Variants in TJP1 observed in about 807,000 individuals in gnomAD.
TJP1 encodes tight junction protein ZO-1.
A neutral mutation model predicts 194.2 loss-of-function variants in TJP1; 43 were observed. The ratio of observed to expected loss-of-function variants is 0.22; its 90% CI spans 0.17 to 0.29. The LOEUF (loss-of-function observed/expected upper bound fraction) is 0.29. Ranked by LOEUF, TJP1 falls within the 10% of genes least tolerant of loss-of-function variation. The pLI is 1.00. For synonymous variants in TJP1, 801 were observed against 779.0 expected (o/e 1.03, Z -0.47); for missense variants, 1,971 against 2,185.7 (o/e 0.90, Z 1.96).
At chr15:29,797,340 G>C (rs2048479651) in intron 2 of TJP1, among the ~76,000 whole-genome samples, 1 of 152,122 alleles carries the variant, frequency 6.6e-6, no homozygotes, top group Non-Finnish European at 1.5e-5. Context: ...AGTAGAGACA[G>C]GCTTTCACCA....
chr15:29,797,678 T>C (rs1284047952), intron 2 of TJP1, among the ~76,000 whole-genome samples: 1 of 141,186 alleles, frequency 7.1e-6, no homozygotes, highest in South Asian at 2.2e-4. Flanking sequence ...AGGAAAAAAA[T>C]ATTTGCAAAT....
At chr15:29,931,994 C>T (rs116569718) in intron 2 of TJP1, among the ~76,000 whole-genome samples, 1,991 of 152,248 alleles carry the variant, frequency 0.013, 40 homozygotes, top group African/African-American at 0.045. Flanking sequence ...TAGTGAGGAC[C>T]ACCAGAAGTC....
chr15:29,750,804 T>C (rs2045224391), intron 8 of TJP1, among the ~76,000 whole-genome samples: 1 of 152,220 alleles, frequency 6.6e-6, no homozygotes, highest in Non-Finnish European at 1.5e-5. Context: ...CACAAGTTCA[T>C]TAATTGCATA....
chr15:29,868,182 T>C (rs140612472), intron 2 of TJP1, among the ~76,000 whole-genome samples: 20 of 152,274 alleles, frequency 1.3e-4, no homozygotes, highest in Non-Finnish European at 2.6e-4. Flanking sequence ...TTTTGTGCCA[T>C]TGCACTCAGC....
At chr15:29,912,714 A>AAAAAAG (rs2054058791) in intron 2 of TJP1, among the ~76,000 whole-genome samples, 1 of 151,148 alleles carries the variant, frequency 6.6e-6, no homozygotes, top group African/African-American at 2.4e-5. Flanking sequence ...AAAAAAAAAA[A>AAAAAAG]AAAAAAAAAG....
intron 2 of TJP1, among the ~76,000 whole-genome samples, chr15:29,891,732 T>A (rs188624383): frequency 1.1e-4 from 17 of 152,328 alleles, no homozygotes; most frequent in African/African-American, 4.1e-4. Flanking sequence ...ACCCTGCCCA[T>A]ATAAGATGGC....
chr15:29,892,629 T>TA (rs2053349754), intron 2 of TJP1, among the ~76,000 whole-genome samples: 1 of 152,198 alleles, frequency 6.6e-6, no homozygotes, highest in Non-Finnish European at 1.5e-5. Flanking sequence ...CTAGGGCCCT[T>TA]AAGAATGATG....
chr15:29,949,468 C>T (rs1407739605), intron 2 of TJP1, among the ~76,000 whole-genome samples: 48 of 128,134 alleles, frequency 3.7e-4, no homozygotes, highest in Admixed American at 4.8e-4. Flanking sequence ...CTTCCACCAC[C>T]ACCACCTCCA....
chr15:29,788,756 C>G (rs560998578), intron 2 of TJP1, among the ~76,000 whole-genome samples: 1 of 152,292 alleles, frequency 6.6e-6, no homozygotes, highest in South Asian at 2.1e-4. Flanking sequence ...AATGAAAAAG[C>G]AGAGTAACGA....
chr15:29,851,320 T>C (rs2051634327), intron 2 of TJP1, among the ~76,000 whole-genome samples: 1 of 152,142 alleles, frequency 6.6e-6, no homozygotes. Context: ...ACAGTCGTTA[T>C]TAGTATAATA....
At chr15:29,880,764 G>A (rs982972169) in intron 2 of TJP1, among the ~76,000 whole-genome samples, 1 of 152,146 alleles carries the variant, frequency 6.6e-6, no homozygotes, top group Non-Finnish European at 1.5e-5. Context: ...TGTCACAAAT[G>A]GCAGGATTTC....
At chr15:29,804,343 C>T (rs1050256639) in intron 1 of TJP1, among the ~76,000 whole-genome samples, 4 of 152,094 alleles carry the variant, frequency 2.6e-5, no homozygotes, top group African/African-American at 9.7e-5. Context: ...TAATAAAATG[C>T]TGAGGAAAAA....
intron 1 of TJP1, among the ~76,000 whole-genome samples, chr15:29,806,563 G>T (rs1178365661): frequency 6.6e-6 from 1 of 152,090 alleles, no homozygotes; most frequent in African/African-American, 2.4e-5. Flanking sequence ...TACACTGAAC[G>T]GCTTCTCATT....
In TJP1 at chr15:29,733,317, AAAGG is replaced by A. The variant is rs768431958; in HGVS notation, c.1517-8_1517-5del. The A allele has an allele frequency of 1.3e-6, 2 of 1,583,550 alleles. No individual in the cohort carries two copies. Among genetic ancestry groups the A allele is most frequent in the African/African-American group, 2.7e-5 (2 of 74,054 alleles). On this transcript the variant is annotated splice_region_variant and splice_polypyrimidine_tract_variant and intron_variant, in intron 12 of 27. Coordinates refer to ENST00000614355, the MANE Select transcript of TJP1 (RefSeq NM_001330239.4). ...GATTCTACAATGCGACGATAAACTA[AAAGG>A]AATAAAAACAAACACATTATCAATA...
At chr15:29,867,206 G>A (rs1391583733) in intron 2 of TJP1, among the ~76,000 whole-genome samples, 2 of 152,230 alleles carry the variant, frequency 1.3e-5, no homozygotes, top group Non-Finnish European at 2.9e-5. Context: ...TCGATGTTGA[G>A]CGAGACTCAG....
At chr15:29,723,064 A>G (rs1156925418) in intron 18 of TJP1, among the ~76,000 whole-genome samples, 3 of 152,224 alleles carry the variant, frequency 2.0e-5, no homozygotes, top group African/African-American at 7.2e-5. Flanking sequence ...GACAGAAGAG[A>G]CTAGCCTTGT....
At chr15:29,760,249 C>A (rs187848080) in intron 8 of TJP1, 4 of 702,258 alleles carry the variant, frequency 5.7e-6, no homozygotes, top group African/African-American at 5.2e-5. Flanking sequence ...TGTGCACATG[C>A]ACATTTTTCT....
chr15:29,769,117 CAT>C (rs1317753734), intron 4 of TJP1, among the ~76,000 whole-genome samples: 7 of 152,136 alleles, frequency 4.6e-5, no homozygotes, highest in Non-Finnish European at 1.0e-4. Flanking sequence ...GATAACAACA[CAT>C]GAGGTATGTA....
At chr15:29,765,884 C>CTTGTTG (rs1292453500) in intron 5 of TJP1, among the ~76,000 whole-genome samples, 3 of 151,880 alleles carry the variant, frequency 2.0e-5, no homozygotes, top group African/African-American at 7.3e-5. Flanking sequence ...AGAGCCAGAC[C>CTTGTTG]TTGTAACAAC....
Sources: allele counts gnomAD v4.1 joint callset (sites outside exome capture counted in the v4.1 genomes callset), GRCh38; gene constraint gnomAD v4.1.1; transcripts MANE v1.5; gene names NCBI Gene and HGNC (gene_info 2026-07-23, HGNC 2026-07-21).